Variants in PLA2R1 observed in about 807,000 individuals in gnomAD.
PLA2R1 encodes the protein phospholipase A2 receptor 1, also known as secretory phospholipase A2 receptor.
Under a neutral mutation model 195.9 loss-of-function variants are expected in PLA2R1, and 158 were observed. The observed-to-expected ratio is 0.81, with a 90% confidence interval of 0.71 to 0.92. PLA2R1 has a LOEUF of 0.92. Ranked by LOEUF, PLA2R1 falls within the 40% of genes least tolerant of loss-of-function variation. The probability of loss-of-function intolerance (pLI) is 0.00; values close to 1 mark genes in which losing one functional copy is unlikely to be tolerated. For synonymous variants in PLA2R1, 586 were observed against 598.2 expected, an observed-to-expected ratio of 0.98 and a Z score of 0.30; for missense variants, 1,626 against 1,764.6, an observed-to-expected ratio of 0.92 and a Z score of 1.41.
intron 6 of PLA2R1, among the ~76,000 whole-genome samples, chr2:160,024,547 T>A (rs1199464538): frequency 6.6e-6 from 1 of 152,132 alleles, no homozygotes; most frequent in Non-Finnish European, 1.5e-5. Flanking sequence ...TGAGCTGAAG[T>A]GGCTCTCAAA....
At chr2:159,951,124 G>A (rs1687710538) in intron 24 of PLA2R1, among the ~76,000 whole-genome samples, 1 of 152,120 alleles carries the variant, frequency 6.6e-6, no homozygotes, top group Non-Finnish European at 1.5e-5. Flanking sequence ...TTAGGCAAGT[G>A]GATGTTTACC....
At chr2:160,012,425 T>C (rs1692423480) in intron 10 of PLA2R1, among the ~76,000 whole-genome samples, 1 of 152,060 alleles carries the variant, frequency 6.6e-6, no homozygotes, top group Non-Finnish European at 1.5e-5. Flanking sequence ...GGGCAGATTG[T>C]ATGGAGTGTA....
At chr2:160,008,359 C>T (rs915113807) in intron 10 of PLA2R1, among the ~76,000 whole-genome samples, 4 of 152,092 alleles carry the variant, frequency 2.6e-5, no homozygotes, top group South Asian at 2.1e-4. Context: ...TAAACACTAA[C>T]GCATAGGCCA....
intron 1 of PLA2R1, among the ~76,000 whole-genome samples, chr2:160,050,790 G>A (rs747260897): frequency 2.6e-5 from 4 of 152,134 alleles, no homozygotes; most frequent in Non-Finnish European, 5.9e-5. Context: ...TAAGCAAAAG[G>A]GGGTGCCATG....
At chr2:160,055,653 G>A (rs1041807832) in intron 1 of PLA2R1, among the ~76,000 whole-genome samples, 2 of 152,218 alleles carry the variant, frequency 1.3e-5, no homozygotes, top group Non-Finnish European at 2.9e-5. Context: ...TTAGTGCAGA[G>A]TGCTTGGTTC....
chr2:159,937,884 A>T lies in PLA2R1; in HGVS notation c.*3894T>A, dbSNP rs562949662. ...CAATTTCTTTATTAAAAGAAGCTTC[A>T]CTGACATCAATACTTCGAATATTTT... is the stretch of plus-strand genomic sequence containing the variant. On this transcript the variant is annotated 3_prime_UTR_variant, in exon 30 of 30. Transcript: ENST00000283243. 4 of 152,352 alleles carry T rather than the reference A, an allele frequency of 2.6e-5. No individual in the cohort carries two copies. The highest frequency in any genetic ancestry group is 9.6e-5 in the African/African-American group (4 of 41,576). 9.4% of individuals were successfully genotyped at this position (152,352 alleles called of 1,614,324 possible).
intron 20 of PLA2R1, among the ~76,000 whole-genome samples, chr2:159,962,712 G>T (rs924240337): frequency 6.6e-6 from 1 of 152,144 alleles, no homozygotes; most frequent in African/African-American, 2.4e-5. Flanking sequence ...CCATAAAAAA[G>T]GATGAGTTCA....
chr2:160,004,483 T>C (rs1691834988), intron 11 of PLA2R1, among the ~76,000 whole-genome samples: 1 of 152,148 alleles, frequency 6.6e-6, no homozygotes, highest in Non-Finnish European at 1.5e-5. Flanking sequence ...AAAGGGGAGA[T>C]ATACCTCCCC....
At chr2:159,954,473 G>A (rs767914808) in intron 23 of PLA2R1, among the ~76,000 whole-genome samples, 2 of 150,850 alleles carry the variant, frequency 1.3e-5, no homozygotes, top group African/African-American at 2.4e-5. Context: ...GACTTCACAC[G>A]TATGCCACAT....
chr2:159,994,953 T>C (rs1276463667), intron 11 of PLA2R1, among the ~76,000 whole-genome samples: 1 of 151,578 alleles, frequency 6.6e-6, no homozygotes, highest in African/African-American at 2.4e-5. Context: ...GGATGTGGGG[T>C]GGGTGAATAT....
At chr2:159,990,609 C>T (rs1371229008) in intron 11 of PLA2R1, among the ~76,000 whole-genome samples, 2 of 152,242 alleles carry the variant, frequency 1.3e-5, no homozygotes, top group African/African-American at 2.4e-5. Flanking sequence ...CCTTCCCTCT[C>T]TCTCTCCTTC....
In PLA2R1 at chr2:159,947,486, G is replaced by C. The variant is rs1687463102; in HGVS notation, c.3783C>G (p.Cys1261Trp). Residue 1261 changes from cysteine (C) to tryptophan (W), a missense_variant, in exon 26 of 30, where the codon TGC becomes TGG. Transcript: ENST00000283243. ...TGTCTAGGACTGTAGAAAAACTGTA[G>C]CAATTACTTTTAAATTTTATCCAGG... ...SIPWIKFKSN[C>W]YSFSTVLDSM... is the part of the protein sequence containing the mutation. 2.5e-6 allele frequency: 4 copies of C among 1,612,750 alleles called. No individual in the cohort carries two copies. Among genetic ancestry groups the C allele is most frequent in the Non-Finnish European group, 3.4e-6 (4 of 1,178,902 alleles).
chr2:160,044,659 C>T, intron 2 of PLA2R1, 115 bp downstream of exon 2: 1 of 842,446 alleles, frequency 1.2e-6, no homozygotes, highest in South Asian at 1.7e-5. Context: ...TAGCAGAAGT[C>T]CCTTGAGGGT....
intron 17 of PLA2R1, 127 bp from the exon 18 acceptor site, chr2:159,970,339 A>G: frequency 1.9e-6 from 1 of 530,182 alleles, no homozygotes; most frequent in Non-Finnish European, 3.3e-6. Flanking sequence ...GGAAGAATAC[A>G]CTAAGGCCTA....
chr2:159,951,315 G>A (rs2125930491), intron 24 of PLA2R1, 25 bp downstream of exon 24: 1 of 1,263,856 alleles, frequency 7.9e-7, no homozygotes, highest in Non-Finnish European at 1.2e-6. Context: ...ATTCAAGGAT[G>A]TCTCAAGGGA....
intron 10 of PLA2R1, among the ~76,000 whole-genome samples, chr2:160,010,249 A>G (rs1692274080): frequency 1.3e-5 from 2 of 152,234 alleles, no homozygotes; most frequent in Non-Finnish European, 2.9e-5. Context: ...CAAAATTTAG[A>G]CATACATGGA....
chr2:159,968,921 G>T (rs563760229), intron 19 of PLA2R1, among the ~76,000 whole-genome samples: 1 of 152,294 alleles, frequency 6.6e-6, no homozygotes, highest in East Asian at 1.9e-4. Flanking sequence ...TATAGGAATA[G>T]ATTTTTTTAA....
At position 159,940,684 on chromosome 2, in the gene PLA2R1, CAG is replaced by C. The variant is rs1687045730; in HGVS notation, c.*1092_*1093del. 6.6e-6 allele frequency: 1 copy of C among 152,008 alleles called. No homozygotes were observed. Among genetic ancestry groups the C allele is most frequent in the Admixed American group, 6.6e-5 (1 of 15,266 alleles). The allele number at this position is 152,008 out of a possible 1,614,324, so 9.4% of individuals were successfully genotyped here. On this transcript the variant is annotated 3_prime_UTR_variant, in exon 30 of 30. Transcript: ENST00000283243. The stretch of plus-strand genomic sequence containing the variant: ...AATAAAATCTGTAATTTTTTATTTA[CAG>C]ACAGTATCATAATCATTATTTACCA...
intron 17 of PLA2R1, among the ~76,000 whole-genome samples, chr2:159,971,228 C>T (rs1689151616): frequency 6.6e-6 from 1 of 152,082 alleles, no homozygotes; most frequent in Admixed American, 6.5e-5. Context: ...TCTATGTTAA[C>T]AGAGTGATAT....
Sources: gnomAD v4.1 joint callset for allele counts (sites outside exome capture counted in the v4.1 genomes callset) on GRCh38, gnomAD v4.1.1 for gene constraint, MANE v1.5 for transcripts, NCBI Gene and HGNC (gene_info 2026-07-23, HGNC 2026-07-21) for gene names.